The following QRICH1 variants were observed in gnomAD, a reference collection of about 807,000 sequenced individuals.
The protein encoded by QRICH1 is transcriptional regulator QRICH1.
Under a neutral mutation model 87.1 loss-of-function variants are expected in QRICH1, and 16 were observed. That is an observed-to-expected ratio of 0.18 (90% CI 0.12 to 0.28). QRICH1 has a LOEUF of 0.28. Among genes scored for constraint, QRICH1 ranks in the 10% least tolerant of loss-of-function variants. The probability of loss-of-function intolerance (pLI) is 1.00; values close to 1 mark genes in which losing one functional copy is unlikely to be tolerated. For missense variants in QRICH1, 647 were observed against 951.7 expected (o/e 0.68, Z 4.21); for synonymous variants, 367 against 368.4 (o/e 1.00, Z 0.05).
chr3:49,093,811 G>A (rs1455662879), intron 1 of QRICH1, 101 bp downstream of exon 1: 6 of 366,038 alleles, frequency 1.6e-5, no homozygotes, highest in Non-Finnish European at 2.4e-5. Context: ...CCAGGGCCCA[G>A]CGGTAGTGGC....
chr3:49,041,446 G>A (rs1445372065), intron 6 of QRICH1, among the ~76,000 whole-genome samples: 2 of 151,864 alleles, frequency 1.3e-5, no homozygotes, highest in Non-Finnish European at 2.9e-5. Context: ...TCTCACCATG[G>A]CCTCCCGAAA....
intron 2 of QRICH1, among the ~76,000 whole-genome samples, chr3:49,069,832 C>G (rs2093490646): frequency 6.6e-6 from 1 of 152,044 alleles, no homozygotes; most frequent in Non-Finnish European, 1.5e-5. Flanking sequence ...TAATGTATCT[C>G]TAACTTGCTC....
At chr3:49,087,443 G>C (rs2042186918) in intron 1 of QRICH1, among the ~76,000 whole-genome samples, 1 of 151,576 alleles carries the variant, frequency 6.6e-6, no homozygotes, top group South Asian at 2.1e-4. Context: ...TACTAGGGAA[G>C]CTGAGGCAGG....
At chr3:49,030,757 C>A in intron 9 of QRICH1, 113 bp from the exon 10 acceptor site, 1 of 926,224 alleles carries the variant, frequency 1.1e-6, no homozygotes, top group Non-Finnish European at 1.6e-6. Flanking sequence ...GTTATTGTGG[C>A]ACAGCTACTG....
At chr3:49,058,754 G>T (rs1483851433) in intron 2 of QRICH1, among the ~76,000 whole-genome samples, 1 of 151,904 alleles carries the variant, frequency 6.6e-6, no homozygotes, top group African/African-American at 2.4e-5. Flanking sequence ...TCAGCCTCCT[G>T]AGTAGCTAGG....
intron 1 of QRICH1, among the ~76,000 whole-genome samples, chr3:49,081,811 AT>A (rs71077763): frequency 1.4e-3 from 190 of 134,494 alleles, no homozygotes; most frequent in South Asian, 2.6e-3. Flanking sequence ...GAAGCCTTCT[AT>A]TTTTTTTTTT....
intron 1 of QRICH1, among the ~76,000 whole-genome samples, chr3:49,083,684 C>A (rs2042115066): frequency 6.6e-6 from 1 of 151,800 alleles, no homozygotes; most frequent in Non-Finnish European, 1.5e-5. Flanking sequence ...GATAGGATGG[C>A]TTGATCCCAG....
In QRICH1 at chr3:49,057,126, C is replaced by T. The variant is rs765203433; in HGVS notation, c.1074G>A (p.Lys358=). ...ALAAVKLEDD[K]EKMVGTTSVV... Reference sequence around the variant, plus strand: ...CAGATGTGGTGCCCACCATCTTCTCCTTGTCATCCTCCAGCTTAACAGCTG... The same window carrying T: ...CAGATGTGGTGCCCACCATCTTCTCTTTGTCATCCTCCAGCTTAACAGCTG... Residue 358 remains lysine, a synonymous_variant, in exon 3 of 10, where the codon AAG becomes AAA. Coordinates refer to ENST00000395443, the MANE Select transcript of QRICH1 (RefSeq NM_198880.3). The surrounding 1 kb of genome is among the most constrained non-coding windows in gnomAD (Gnocchi z 5.4). 2 of 1,614,202 alleles carry T rather than the reference C, an allele frequency of 1.2e-6. No individual in the cohort carries two copies. Among genetic ancestry groups the T allele is most frequent in the East Asian group, 2.2e-5 (1 of 44,886 alleles).
chr3:49,082,803 G>C (rs890830313), intron 1 of QRICH1, among the ~76,000 whole-genome samples: 4 of 151,442 alleles, frequency 2.6e-5, no homozygotes, highest in Admixed American at 2.6e-4. Flanking sequence ...GCTGAGGCAG[G>C]AGACTGGCGT....
rs1355005334 is a variant in QRICH1 at position 49,057,580 on chromosome 3, C to T, written c.620G>A (p.Gly207Asp). 1 of 1,613,442 alleles carries T rather than the reference C, an allele frequency of 6.2e-7. No homozygotes were observed. Among genetic ancestry groups the T allele is most frequent in the African/African-American group, 1.3e-5 (1 of 74,936 alleles). The change falls in exon 3 of 10, where the codon GGT becomes GAT. Residue 207 changes from glycine (G) to aspartate (D), a missense_variant. Coordinates refer to ENST00000395443, the MANE Select transcript of QRICH1 (RefSeq NM_198880.3). The surrounding 1 kb of genome is among the most constrained non-coding windows in gnomAD (Gnocchi z 5.4). ...GGTCTGGATTTGGATCTGCTGACCA[C>T]CAGCAAGAGACTGGCCAGCCACCAG... ...AQLVAGQSLA[G>D]GQQIQIQTVG...
At chr3:49,039,420 C>T (rs187509803) in intron 6 of QRICH1, among the ~76,000 whole-genome samples, 1 of 151,948 alleles carries the variant, frequency 6.6e-6, no homozygotes, top group East Asian at 1.9e-4. Context: ...GTGGCTCATG[C>T]CTGAAATCCC....
chr3:49,061,000 T>C (rs1012664049), intron 2 of QRICH1, among the ~76,000 whole-genome samples: 1 of 151,512 alleles, frequency 6.6e-6, no homozygotes, highest in Admixed American at 6.6e-5. Flanking sequence ...TATCCAGGCA[T>C]GGTGGTGCAT....
Position 49,033,218 on chromosome 3 carries a change from C to A in QRICH1, c.1797G>T (p.Leu599Phe). 2 of 1,562,258 alleles carry A rather than the reference C, an allele frequency of 1.3e-6. No individual in the cohort carries two copies. Among genetic ancestry groups the A allele is most frequent in the Middle Eastern group, 1.7e-4 (1 of 5,736 alleles). ...GCATCTCCTCAGTCACGTGGCTGGG[C>A]AAGACATAGCCTAGGAGGAATAGAG... ...QPRVTPLGYV[L>F]PSHVTEEMLW... The change falls in exon 7 of 10, where the codon TTG (leucine) becomes TTT (phenylalanine). Residue 599 changes from leucine to phenylalanine, a missense_variant. This residue lies in a region of QRICH1 where 187 missense variants were observed against 309.5 expected (regional missense o/e 0.60). Transcript: ENST00000395443.
At chr3:49,036,630 C>T (rs2093276460) in intron 6 of QRICH1, among the ~76,000 whole-genome samples, 1 of 151,514 alleles carries the variant, frequency 6.6e-6, no homozygotes, top group Non-Finnish European at 1.5e-5. Flanking sequence ...TTGGACATCA[C>T]TGAGAGAAGC....
At chr3:49,031,462 C>T (rs1361787914) in intron 9 of QRICH1, among the ~76,000 whole-genome samples, 2 of 152,128 alleles carry the variant, frequency 1.3e-5, no homozygotes, top group African/African-American at 2.4e-5. Flanking sequence ...AGTGCCAGGT[C>T]AGCACTAGGT....
intron 2 of QRICH1, 147 bp downstream of exon 2, chr3:49,076,562 G>T: frequency 6.3e-6 from 5 of 788,290 alleles, no homozygotes; most frequent in Non-Finnish European, 7.3e-6. Context: ...GGAGAAGAAA[G>T]AAAAAACTTT....
chr3:49,084,862 C>T (rs1223568475), intron 1 of QRICH1, among the ~76,000 whole-genome samples: 1 of 152,142 alleles, frequency 6.6e-6, no homozygotes, highest in Non-Finnish European at 1.5e-5. Flanking sequence ...GAATTTTCCA[C>T]AAGTGGTATT....
chr3:49,065,538 T>A lies in QRICH1; in HGVS notation c.310-7648A>T, dbSNP rs139683429. Among the ~76,000 whole-genome samples, 1,375 of 152,298 alleles carry A rather than the reference T, an allele frequency of 9.0e-3. 18 individuals carry two copies. Among genetic ancestry groups the A allele is most frequent in the Non-Finnish European group, 0.012 (794 of 68,028 alleles). On this transcript the variant is annotated intron_variant, in intron 2 of 9. Coordinates refer to ENST00000395443, the MANE Select transcript of QRICH1 (RefSeq NM_198880.3). ...ACTCAATCTGTTGTGCTATTATACATCACACATGGCCTCTGCAAAACTCCA... is the reference window on the plus strand; with the variant it reads ...ACTCAATCTGTTGTGCTATTATACAACACACATGGCCTCTGCAAAACTCCA...
At chr3:49,082,284 C>T (rs1238840672) in intron 1 of QRICH1, among the ~76,000 whole-genome samples, 4 of 152,192 alleles carry the variant, frequency 2.6e-5, no homozygotes, top group Non-Finnish European at 5.9e-5. Context: ...AATATAACTT[C>T]TATTTAATCA....
Sources: gnomAD v4.1 joint callset for allele counts (sites outside exome capture counted in the v4.1 genomes callset) on GRCh38, gnomAD v4.1.1 for gene constraint, gnomAD v4.1.1 regional missense constraint, Gnocchi (gnomAD v3.1) non-coding constraint, MANE v1.5 for transcripts, NCBI Gene and HGNC (gene_info 2026-07-23, HGNC 2026-07-21) for gene names.